Variants in VPS13B observed in about 807,000 individuals in gnomAD.
VPS13B encodes intermembrane lipid transfer protein VPS13B.
A neutral mutation model predicts 426.4 loss-of-function variants in VPS13B; 285 were observed. The observed-to-expected ratio is 0.67, with a 90% CI of 0.61 to 0.74. The LOEUF (loss-of-function observed/expected upper bound fraction) is 0.74, where lower values mean the gene tolerates loss of function less well. VPS13B is among the 30% of genes least tolerant of loss of function. VPS13B has a pLI of 0.00. For missense variants in VPS13B, 4,537 were observed against 4,782.6 expected (o/e 0.95, Z 1.51); for synonymous variants, 1,676 against 1,676.4 (o/e 1.00, Z 0.01).
intron 3 of VPS13B, among the ~76,000 whole-genome samples, chr8:99,080,142 T>C (rs1845364866): frequency 6.6e-6 from 1 of 151,648 alleles, no homozygotes; most frequent in Non-Finnish European, 1.5e-5. Context: ...AATACTTAAT[T>C]TTGTTGCATG....
intron 3 of VPS13B, among the ~76,000 whole-genome samples, chr8:99,079,774 A>C (rs1430084174): frequency 6.6e-6 from 1 of 151,964 alleles, no homozygotes; most frequent in Non-Finnish European, 1.5e-5. Flanking sequence ...ATGTTAGCTC[A>C]TCATCATTTT....
intron 57 of VPS13B, among the ~76,000 whole-genome samples, chr8:99,861,551 G>A (rs558190756): frequency 2.5e-4 from 38 of 152,208 alleles, no homozygotes; most frequent in African/African-American, 9.6e-5. Flanking sequence ...ATCCTCCTGC[G>A]CTGGCCTCCC....
At chr8:99,544,141 T>G (rs1469313317) in intron 30 of VPS13B, among the ~76,000 whole-genome samples, 25 of 151,692 alleles carry the variant, frequency 1.6e-4, no homozygotes, top group Admixed American at 1.4e-3. Flanking sequence ...CCATAAAAAA[T>G]GATGAGTTCA....
At chr8:99,529,369 A>G (rs1423475701) in intron 30 of VPS13B, among the ~76,000 whole-genome samples, 3 of 152,182 alleles carry the variant, frequency 2.0e-5, no homozygotes, top group Non-Finnish European at 4.4e-5. Context: ...CAGTGTAATC[A>G]TATTTAGACT....
At chr8:99,079,874 G>A (rs576815957) in intron 3 of VPS13B, among the ~76,000 whole-genome samples, 3 of 150,888 alleles carry the variant, frequency 2.0e-5, no homozygotes, top group African/African-American at 4.9e-5. Flanking sequence ...GTGGTGAGCC[G>A]AGATGGCGCC....
intron 39 of VPS13B, among the ~76,000 whole-genome samples, chr8:99,737,090 C>CTTTGAAGAT (rs1368693031): frequency 8.7e-6 from 1 of 115,208 alleles, no homozygotes; most frequent in African/African-American, 3.3e-5. Context: ...TCAGGAAAGC[C>CTTTGAAGAT]TTTGAAGATG....
In VPS13B at chr8:99,818,859, C is replaced by A. The variant is rs1266484514; in HGVS notation, c.8592C>A (p.Asp2864Glu). 1.9e-6 allele frequency: 3 copies of A among 1,613,492 alleles called. No homozygotes were observed. The highest frequency in any genetic ancestry group is 3.3e-5 in the Admixed American group (2 of 59,944). Reference protein sequence around the residue: ...QEKPLQNIEPDLVHHLTFQAR... With the variant: ...QEKPLQNIEPELVHHLTFQAR... ...AACCACTGCAAAACATAGAACCTGA[C>A]CTTGTACATCACCTGACATTCCAAG... The change falls in exon 47 of 62, where the codon GAC becomes GAA. Residue 2864 changes from aspartate to glutamate, a missense_variant. This residue lies in a region of VPS13B where 4,311 missense variants were observed against 4,474.3 expected (regional missense o/e 0.96). Coordinates refer to ENST00000357162, the MANE Select transcript of VPS13B (RefSeq NM_152564.5).
intron 3 of VPS13B, among the ~76,000 whole-genome samples, chr8:99,065,000 G>T (rs1036347076): frequency 6.6e-6 from 1 of 152,102 alleles, no homozygotes; most frequent in Non-Finnish European, 1.5e-5. Context: ...TTCATATCCA[G>T]CCAAACTAAG....
chr8:99,418,530 CTTTCT>C (rs146177891), intron 21 of VPS13B, among the ~76,000 whole-genome samples: 29,223 of 113,178 alleles, frequency 0.26, 3,949 homozygotes, highest in East Asian at 0.41. Flanking sequence ...CTTTCTTTCT[CTTTCT>C]TTTCTTTTCT....
At chr8:99,210,355 C>T (rs1815006768) in intron 17 of VPS13B, among the ~76,000 whole-genome samples, 1 of 152,178 alleles carries the variant, frequency 6.6e-6, no homozygotes. Flanking sequence ...AAACACATCT[C>T]CCATTGAGCT....
chr8:99,826,187 T>C (rs1814672142), intron 51 of VPS13B, among the ~76,000 whole-genome samples: 1 of 152,226 alleles, frequency 6.6e-6, no homozygotes, highest in South Asian at 2.1e-4. Context: ...TGATACTGAT[T>C]CTTCCTGTCC....
intron 54 of VPS13B, among the ~76,000 whole-genome samples, chr8:99,844,458 C>T (rs1201568805): frequency 1.3e-5 from 2 of 151,606 alleles, no homozygotes; most frequent in Admixed American, 1.3e-4. Context: ...ACCTCCGCCT[C>T]CCGGGTTCAA....
At chr8:99,624,196 G>C (rs1421146558) in intron 33 of VPS13B, among the ~76,000 whole-genome samples, 3 of 151,596 alleles carry the variant, frequency 2.0e-5, no homozygotes, top group Non-Finnish European at 4.4e-5. Context: ...GCTCTGGCCA[G>C]CCCAGTTCTT....
intron 25 of VPS13B, among the ~76,000 whole-genome samples, chr8:99,500,741 G>A (rs998281795): frequency 3.3e-5 from 5 of 152,202 alleles, no homozygotes; most frequent in East Asian, 1.9e-4. Flanking sequence ...AGGTTTAAAC[G>A]GACAGCAAAG....
chr8:99,822,312 G>A (rs115542882), intron 50 of VPS13B, among the ~76,000 whole-genome samples: 1,694 of 152,224 alleles, frequency 0.011, 32 homozygotes, highest in African/African-American at 0.039. Flanking sequence ...GGGTCATTTG[G>A]TGACTTTTTA....
intron 19 of VPS13B, among the ~76,000 whole-genome samples, chr8:99,365,516 C>CTTCTTCTT (rs71273182): frequency 5.4e-4 from 55 of 102,410 alleles, no homozygotes; most frequent in Middle Eastern, 0.015. Flanking sequence ...TCTTCTTCTT[C>CTTCTTCTT]TTTTTTTTTT....
At chr8:99,163,834 G>A (rs1167778854) in intron 15 of VPS13B, among the ~76,000 whole-genome samples, 2 of 152,226 alleles carry the variant, frequency 1.3e-5, no homozygotes, top group African/African-American at 4.8e-5. Flanking sequence ...GGCCAGCCCA[G>A]AAAGGGGCTC....
chr8:99,029,099 A>AG, intron 2 of VPS13B, among the ~76,000 whole-genome samples: 1 of 117,138 alleles, frequency 8.5e-6, no homozygotes, highest in Non-Finnish European at 1.8e-5. Context: ...CCTCCCAGAC[A>AG]GGGTTGCGGC....
intron 37 of VPS13B, among the ~76,000 whole-genome samples, chr8:99,719,628 A>G (rs564171105): frequency 1.5e-4 from 23 of 152,304 alleles, no homozygotes; most frequent in African/African-American, 5.5e-4. Flanking sequence ...AACATTTTTG[A>G]AAGTTTTAAT....
Sources: allele counts gnomAD v4.1 joint callset (sites outside exome capture counted in the v4.1 genomes callset), GRCh38; gene constraint gnomAD v4.1.1; regional missense constraint gnomAD v4.1.1; transcripts MANE v1.5; gene names NCBI Gene and HGNC (gene_info 2026-07-23, HGNC 2026-07-21).